Variants in NPR3 observed in about 807,000 individuals in gnomAD.
NPR3 encodes atrial natriuretic peptide receptor 3.
Under a neutral mutation model 54.5 loss-of-function variants are expected in NPR3, and 34 were observed. That is an observed-to-expected ratio of 0.62 (90% CI 0.47 to 0.83). The LOEUF (loss-of-function observed/expected upper bound fraction) is 0.83. NPR3 is among the 40% of genes least tolerant of loss of function. The probability of loss-of-function intolerance (pLI) is 0.00; values close to 1 mark genes in which losing one functional copy is unlikely to be tolerated. For missense variants in NPR3, 674 were observed against 720.8 expected (o/e 0.94, Z 0.74); for synonymous variants, 289 against 297.1 (o/e 0.97, Z 0.28).
chr5:32,738,815 C>G (rs1271850498), intron 2 of NPR3, 49 bp from the exon 3 acceptor site: 2 of 1,570,040 alleles, frequency 1.3e-6, no homozygotes, highest in Non-Finnish European at 1.7e-6. Flanking sequence ...AGAATGGCCT[C>G]TTTATGGTGG....
At chr5:32,748,645 A>C (rs1740423060) in intron 3 of NPR3, among the ~76,000 whole-genome samples, 1 of 152,106 alleles carries the variant, frequency 6.6e-6, no homozygotes, top group Admixed American at 6.6e-5. Context: ...AACCAACTAG[A>C]TGTCAGCTGA....
At chr5:32,702,871 C>T (rs1737864146) in intron 1 of NPR3, among the ~76,000 whole-genome samples, 1 of 152,150 alleles carries the variant, frequency 6.6e-6, no homozygotes, top group Middle Eastern at 3.2e-3. Context: ...AGTTTACAGT[C>T]CCACCAACAA....
Position 32,712,209 on chromosome 5 carries a change from C to A in NPR3, c.433C>A (p.Arg145=). The part of the protein sequence containing the change: ...VCEYAAAPVA[R]LASHWDLPML... ...CGAGTATGCAGCAGCGCCAGTGGCC[C>A]GGCTTGCATCGCACTGGGACCTGCC... The change falls in exon 1 of 8, where the codon CGG becomes AGG. Residue 145 remains arginine (R), a synonymous_variant. Coordinates refer to ENST00000265074, the MANE Select transcript of NPR3 (RefSeq NM_001204375.2). 1 of 1,612,748 alleles carries A rather than the reference C, an allele frequency of 6.2e-7. No individual in the cohort carries two copies. Among genetic ancestry groups the A allele is most frequent in the South Asian group, 1.1e-5 (1 of 91,032 alleles).
chr5:32,772,886 G>C (rs10061944), intron 3 of NPR3, among the ~76,000 whole-genome samples: 27,978 of 152,144 alleles, frequency 0.18, 2,847 homozygotes, highest in South Asian at 0.25. Flanking sequence ...AACTGGAAAG[G>C]GGGGGCGAGG....
intron 1 of NPR3, among the ~76,000 whole-genome samples, chr5:32,718,614 T>A (rs753458840): frequency 6.6e-5 from 10 of 152,236 alleles, no homozygotes; most frequent in Non-Finnish European, 1.5e-4. Context: ...GTAGAAATTG[T>A]GAATGGGAGT....
chr5:32,759,049 G>A (rs1479010329), intron 3 of NPR3, among the ~76,000 whole-genome samples: 1 of 152,220 alleles, frequency 6.6e-6, no homozygotes, highest in Non-Finnish European at 1.5e-5. Flanking sequence ...TGGAATAGGT[G>A]TGGTGTGGTG....
rs1198187407 is a variant in NPR3, at chr5:32,791,701, A to C, written c.*5356A>C. ...AGAGTATAACAATGTGTTCTCATTA[A>C]AAAATACATCCCACGGAAACCTCTT... On this transcript the variant is annotated 3_prime_UTR_variant, in exon 8 of 8. Coordinates refer to ENST00000265074, the MANE Select transcript of NPR3 (RefSeq NM_001204375.2). 6.0e-6 allele frequency: 1 copy of C among 166,084 alleles called. No homozygotes were observed. The highest frequency in any genetic ancestry group is 2.4e-5 in the African/African-American group (1 of 41,476). 10.3% of individuals were successfully genotyped at this position (166,084 alleles called of 1,614,324 possible). A position where few individuals can be genotyped will look rare whatever the true frequency, so the allele number is the denominator to read the frequency against.
chr5:32,698,823 A>G (rs1740597805), intron 1 of NPR3, among the ~76,000 whole-genome samples: 1 of 152,160 alleles, frequency 6.6e-6, no homozygotes, highest in African/African-American at 2.4e-5. Flanking sequence ...TGCATGGAAT[A>G]TCTTTTCCAT....
intron 1 of NPR3, among the ~76,000 whole-genome samples, chr5:32,693,069 C>A (rs552645474): frequency 6.6e-6 from 1 of 151,868 alleles, no homozygotes; most frequent in Non-Finnish European, 1.5e-5. Flanking sequence ...CTGCAGTGAG[C>A]GGTGACTGTG....
chr5:32,713,269 C>A, intron 1 of NPR3: 1 of 985,416 alleles, frequency 1.0e-6, no homozygotes. Context: ...TTTGAAGAAA[C>A]GAGCGCTGAA....
chr5:32,723,260 C>A (rs1738960543), intron 1 of NPR3, among the ~76,000 whole-genome samples: 1 of 152,176 alleles, frequency 6.6e-6, no homozygotes, highest in South Asian at 2.1e-4. Context: ...GTCATGGAGA[C>A]CTGGGTCTAT....
At chr5:32,692,534 T>A (rs932632702) in intron 1 of NPR3, among the ~76,000 whole-genome samples, 27 of 152,352 alleles carry the variant, frequency 1.8e-4, no homozygotes, top group Middle Eastern at 3.4e-3. Context: ...CAGAATTTGA[T>A]GTTACAATAT....
intron 3 of NPR3, among the ~76,000 whole-genome samples, chr5:32,771,441 A>C (rs1045888324): frequency 2.0e-5 from 3 of 152,210 alleles, no homozygotes; most frequent in African/African-American, 7.2e-5. Context: ...TAAACCTGCG[A>C]GGACGAAAGT....
intron 2 of NPR3, among the ~76,000 whole-genome samples, chr5:32,736,732 G>A (rs1739769548): frequency 6.6e-6 from 1 of 152,152 alleles, no homozygotes; most frequent in Admixed American, 6.5e-5. Flanking sequence ...TCACTGGCCC[G>A]AGCAGGGGTA....
At chr5:32,735,655 C>A (rs746078193) in intron 2 of NPR3, among the ~76,000 whole-genome samples, 5 of 152,162 alleles carry the variant, frequency 3.3e-5, no homozygotes, top group Non-Finnish European at 7.3e-5. Context: ...TTTCCCAAGG[C>A]TGATTCTCAT....
intron 3 of NPR3, among the ~76,000 whole-genome samples, chr5:32,747,329 C>T (rs1449148116): frequency 6.6e-6 from 1 of 152,106 alleles, no homozygotes; most frequent in Non-Finnish European, 1.5e-5. Context: ...CTTCCTAATA[C>T]TTTATAACAT....
At chr5:32,737,545 T>C (rs1301563648) in intron 2 of NPR3, among the ~76,000 whole-genome samples, 1 of 152,134 alleles carries the variant, frequency 6.6e-6, no homozygotes, top group Non-Finnish European at 1.5e-5. Flanking sequence ...ATGAGGGGGC[T>C]TGGGGTAAAC....
chr5:32,790,019 A>G lies in NPR3; in HGVS notation c.*3674A>G, dbSNP rs116710996. On this transcript the variant is annotated 3_prime_UTR_variant, in exon 8 of 8. Coordinates refer to ENST00000265074, the MANE Select transcript of NPR3 (RefSeq NM_001204375.2). ...AAATTAGGCCCCTCGACCTACAGAC[A>G]TTTCATGGGTTTTATTTAATCACAC... 7.3e-3 allele frequency: 1,735 copies of G among 236,448 alleles called. 26 individuals carry two copies. The highest frequency in any genetic ancestry group is 0.038 in the African/African-American group (1,664 of 44,206). The allele number at this position is 236,448 out of a possible 1,614,324, so 14.6% of individuals were successfully genotyped here.
chr5:32,774,800 T>G lies in NPR3; in HGVS notation c.1152T>G (p.Asp384Glu). 2.5e-6 allele frequency: 4 copies of G among 1,610,256 alleles called. No individual in the cohort carries two copies. In the South Asian group the frequency reaches 4.4e-5, roughly 18 times the overall value. ...TCAGAGCTGGTTACAGCAAAAAGGATGGAGGGAAAATTATACAGCAGACTT... is the reference window on the plus strand; with the variant it reads ...TCAGAGCTGGTTACAGCAAAAAGGAGGGAGGGAAAATTATACAGCAGACTT... ...EVLRAGYSKK[D>E]GGKIIQQTWN... Residue 384 changes from aspartate (D) to glutamate (E), a missense_variant, in exon 4 of 8, where the codon GAT (aspartate) becomes GAG (glutamate). Asp to Glu is a conservative substitution (Grantham distance 45). Transcript: ENST00000265074.
Sources: allele counts gnomAD v4.1 joint callset (sites outside exome capture counted in the v4.1 genomes callset), GRCh38; gene constraint gnomAD v4.1.1; transcripts MANE v1.5; gene names NCBI Gene and HGNC (gene_info 2026-07-23, HGNC 2026-07-21).